TBC1D30: variants seen among roughly 807,000 people sequenced by gnomAD.
The protein encoded by TBC1D30 is TBC1 domain family, member 30.
Under a neutral mutation model 63.2 loss-of-function variants are expected in TBC1D30, and 31 were observed. The observed-to-expected ratio is 0.49, with a 90% CI of 0.37 to 0.66. TBC1D30 has a LOEUF of 0.66. TBC1D30 is among the 30% of genes least tolerant of loss of function. The pLI, the probability that TBC1D30 is intolerant of heterozygous loss-of-function variation, is 0.00. For synonymous variants in TBC1D30, 307 were observed against 361.5 expected (o/e 0.85, Z 1.71); for missense variants, 810 against 953.6 (o/e 0.85, Z 1.98).
chr12:64,861,108 A>G (rs1333162908), intron 8 of TBC1D30, among the ~76,000 whole-genome samples: 5 of 152,234 alleles, frequency 3.3e-5, no homozygotes. Flanking sequence ...TAGGCTGTGG[A>G]TTGATTGATG....
chr12:64,831,556 T>C (rs1313819764), intron 4 of TBC1D30, among the ~76,000 whole-genome samples: 2 of 152,344 alleles, frequency 1.3e-5, no homozygotes, highest in Admixed American at 6.5e-5. Context: ...AATTAAATTA[T>C]AGATATTGCC....
chr12:64,850,881 T>A (rs896295839), intron 8 of TBC1D30, among the ~76,000 whole-genome samples: 1 of 152,002 alleles, frequency 6.6e-6, no homozygotes, highest in Admixed American at 6.5e-5. Flanking sequence ...CTAGTAGAAT[T>A]TGGCTGTGAA....
At chr12:64,840,028 A>AAAAAAAAAAAAAAAAT (rs1875732144) in intron 7 of TBC1D30, among the ~76,000 whole-genome samples, 1 of 141,828 alleles carries the variant, frequency 7.1e-6, no homozygotes, top group African/African-American at 2.6e-5. Flanking sequence ...AAAAAAAAAA[A>AAAAAAAAAAAAAAAAT]TCCACCAACT....
upstream of TBC1D30, among the ~76,000 whole-genome samples, chr12:64,777,873 C>T (rs1302050117): frequency 6.6e-6 from 1 of 152,240 alleles, no homozygotes; most frequent in Non-Finnish European, 1.5e-5. Context: ...GATTCTCATG[C>T]CTCATCCTTT....
intron 11 of TBC1D30, 99 bp downstream of exon 11, chr12:64,870,907 C>T (rs905196546): frequency 1.7e-6 from 2 of 1,171,646 alleles, no homozygotes; most frequent in East Asian, 2.6e-5. Context: ...CTAACTGTAG[C>T]TCAGTATCCA....
In TBC1D30 at chr12:64,824,816, C is replaced by T; in HGVS notation, c.-64C>T. 1 of 1,498,976 alleles carries T rather than the reference C, an allele frequency of 6.7e-7. No homozygotes were observed. Among genetic ancestry groups the T allele is most frequent in the South Asian group, 1.3e-5 (1 of 78,448 alleles). 92.9% of individuals were successfully genotyped at this position (1,498,976 alleles called of 1,614,324 possible). ...ACCCAGCTCCGCGAGCTCAGCCGCT[C>T]AGCGAGTGGGGTAGCGGGGACCGAG... On this transcript the variant is annotated 5_prime_UTR_variant, in exon 1 of 12. Transcript: ENST00000539867.
At chr12:64,851,310 T>G (rs988028001) in intron 8 of TBC1D30, among the ~76,000 whole-genome samples, 28 of 152,082 alleles carry the variant, frequency 1.8e-4, no homozygotes, top group African/African-American at 6.5e-4. Context: ...GAGTTCAGCA[T>G]CATCCTCATA....
chr12:64,792,617 C>T (rs929280595), intron 2 of TBC1D30, among the ~76,000 whole-genome samples: 5 of 152,012 alleles, frequency 3.3e-5, no homozygotes, highest in East Asian at 1.9e-4. Context: ...TTGCCCAGGC[C>T]GGAGTGCAGT....
At chr12:64,857,496 C>T (rs1396687107) in intron 8 of TBC1D30, among the ~76,000 whole-genome samples, 1 of 152,222 alleles carries the variant, frequency 6.6e-6, no homozygotes, top group Non-Finnish European at 1.5e-5. Context: ...CTTCATTCTC[C>T]TCTCCTTAAG....
chr12:64,856,674 A>G (rs757441791), intron 8 of TBC1D30, among the ~76,000 whole-genome samples: 1 of 152,068 alleles, frequency 6.6e-6, no homozygotes, highest in African/African-American at 2.4e-5. Context: ...CCTTCCCTTC[A>G]GGGCAGTGAG....
intron 1 of TBC1D30, among the ~76,000 whole-genome samples, chr12:64,785,147 CTT>C (rs3033154): frequency 0.056 from 7,519 of 134,890 alleles, 493 homozygotes; most frequent in African/African-American, 0.18. Flanking sequence ...ACTTTAAAGA[CTT>C]TTTTTTTTTT....
chr12:64,874,883 G>A, intron 11 of TBC1D30, 118 bp from the exon 12 acceptor site: 10 of 950,936 alleles, frequency 1.1e-5, no homozygotes, highest in South Asian at 1.0e-4. Flanking sequence ...CCTCCCTGGG[G>A]AACACATGGG....
Position 64,781,038 on chromosome 12 carries a change from G to A in TBC1D30, c.230G>A (p.Arg77His), listed in dbSNP as rs1052553107. The change falls in exon 1 of 13, where the codon CGC becomes CAC. Residue 77 changes from arginine (R) to histidine (H), a missense_variant. By Grantham distance (29) the Arg-to-His change is conservative. Coordinates refer to the TBC1D30 transcript ENST00000542120. The stretch of plus-strand genomic sequence containing the variant: ...GAGGCGTGCGGCGGCCGCACAAGCC[G>A]CACGGCGTCCCTGGTGAGCGGGCTG... 3.9e-6 allele frequency: 4 copies of A among 1,023,898 alleles called. No individual in the cohort carries two copies. In the South Asian group the frequency reaches 1.2e-4, roughly 31 times the overall value. 63.4% of individuals were successfully genotyped at this position (1,023,898 alleles called of 1,614,324 possible). A position where few individuals can be genotyped will look rare whatever the true frequency, so the allele number is the denominator to read the frequency against.
chr12:64,807,070 T>C (rs143667542), intron 2 of TBC1D30, among the ~76,000 whole-genome samples: 7 of 152,212 alleles, frequency 4.6e-5, no homozygotes, highest in African/African-American at 1.7e-4. Flanking sequence ...CACCCAAAGC[T>C]CATCTTGAAT....
At chr12:64,785,147 C>CTTTTTTTTTTTTT (rs3033154) in intron 1 of TBC1D30, among the ~76,000 whole-genome samples, 1 of 134,844 alleles carries the variant, frequency 7.4e-6, no homozygotes. Context: ...ACTTTAAAGA[C>CTTTTTTTTTTTTT]TTTTTTTTTT....
chr12:64,774,729 G>A (rs1871014508), intron 1 of TBC1D30, among the ~76,000 whole-genome samples: 1 of 152,120 alleles, frequency 6.6e-6, no homozygotes, highest in African/African-American at 2.4e-5. Context: ...ATCCTTTTCA[G>A]ACAAGCAAAT....
At chr12:64,789,101 C>T (rs1193522938) in intron 2 of TBC1D30, among the ~76,000 whole-genome samples, 2 of 152,048 alleles carry the variant, frequency 1.3e-5, no homozygotes, top group Admixed American at 1.3e-4. Context: ...TTCAGATAAT[C>T]CCCATTTTGG....
intron 2 of TBC1D30, among the ~76,000 whole-genome samples, chr12:64,796,807 T>A (rs1872301580): frequency 6.6e-6 from 1 of 152,108 alleles, no homozygotes; most frequent in African/African-American, 2.4e-5. Context: ...AAGCAATATA[T>A]CAAGATTAAG....
chr12:64,770,340 C>T (rs1592524664), intron 1 of TBC1D30, among the ~76,000 whole-genome samples: 1 of 151,950 alleles, frequency 6.6e-6, no homozygotes, highest in African/African-American at 2.4e-5. Context: ...AATTTCTGTC[C>T]CATCTCTCAA....
Sources: allele counts gnomAD v4.1 joint callset (sites outside exome capture counted in the v4.1 genomes callset), GRCh38; gene constraint gnomAD v4.1.1; transcripts MANE v1.5; gene names NCBI Gene and HGNC (gene_info 2026-07-23, HGNC 2026-07-21).